OOSP4B: variants seen among roughly 807,000 people sequenced by gnomAD.
The protein encoded by OOSP4B is oocyte-secreted protein 4B.
At chr11:60,027,922 A>G (rs2134628751) in intron 3 of OOSP4B, among the ~76,000 whole-genome samples, 1 of 151,674 alleles carries the variant, frequency 6.6e-6, no homozygotes, top group East Asian at 2.0e-4. Context: ...CCTGGGTGAC[A>G]GAGTGAGATT....
chr11:60,018,795 C>A (rs1172329190), intron 1 of OOSP4B, among the ~76,000 whole-genome samples: 3 of 152,168 alleles, frequency 2.0e-5, no homozygotes, highest in African/African-American at 7.2e-5. Context: ...GTATGTGGGT[C>A]TTTCTCTATT....
At chr11:60,017,413 G>C (rs1174730232) in exon 1 of OOSP4B, 2 of 398,472 alleles carry the variant, frequency 5.0e-6, no homozygotes, top group Non-Finnish European at 8.8e-6. Context: ...TGTGCTCTTA[G>C]GTAGGTCCTT....
intron 1 of OOSP4B, among the ~76,000 whole-genome samples, chr11:60,023,117 T>C (rs1250886473): frequency 1.3e-5 from 2 of 152,210 alleles, no homozygotes; most frequent in East Asian, 3.8e-4. Flanking sequence ...AAAAGGTAGA[T>C]AATAATGACT....
At chr11:60,020,590 G>T in intron 1 of OOSP4B, among the ~76,000 whole-genome samples, 1 of 152,220 alleles carries the variant, frequency 6.6e-6, no homozygotes, top group Non-Finnish European at 1.5e-5. Context: ...GTTCCCGCCG[G>T]CGCCTCTCCC....
chr11:60,026,297 A>G (rs938049373), intron 3 of OOSP4B, among the ~76,000 whole-genome samples: 5 of 152,132 alleles, frequency 3.3e-5, no homozygotes, highest in African/African-American at 1.2e-4. Context: ...AATCCATCTG[A>G]ACTTAATTTT....
chr11:60,030,052 T>C (rs1404494442), intron 4 of OOSP4B, 123 bp downstream of exon 4: 4 of 393,542 alleles, frequency 1.0e-5, no homozygotes, highest in Middle Eastern at 1.3e-3. Context: ...GGTTTTAATA[T>C]GAACCCTGTA....
chr11:60,017,545 C>A, intron 1 of OOSP4B, 132 bp downstream of exon 1: 1 of 396,372 alleles, frequency 2.5e-6, no homozygotes, highest in Non-Finnish European at 4.4e-6. Flanking sequence ...GTGTAAAAAG[C>A]TGAGATTTTT....
intron 1 of OOSP4B, among the ~76,000 whole-genome samples, chr11:60,022,577 A>G (rs1041122364): frequency 6.6e-6 from 1 of 152,204 alleles, no homozygotes; most frequent in Non-Finnish European, 1.5e-5. Context: ...TTCTAAGCCA[A>G]ACATTTTACG....
chr11:60,019,308 G>A (rs1407203342), intron 1 of OOSP4B, among the ~76,000 whole-genome samples: 1 of 152,230 alleles, frequency 6.6e-6, no homozygotes, highest in African/African-American at 2.4e-5. Context: ...GAGCTCAGGA[G>A]TTCCAGACCA....
At chr11:60,030,778 C>G (rs963757989) in intron 4 of OOSP4B, 24 bp from the exon 5 acceptor site, 1 of 398,056 alleles carries the variant, frequency 2.5e-6, no homozygotes, top group Admixed American at 4.4e-5. Context: ...CAGCTCTTAA[C>G]TGCTTTTCCC....
chr11:60,019,322 T>A (rs1166664572), intron 1 of OOSP4B: 1 of 156,608 alleles, frequency 6.4e-6, no homozygotes. Flanking sequence ...CAGACCAGAC[T>A]GGGCAACGTG....
At chr11:60,020,500 C>T (rs1190408776) in intron 1 of OOSP4B, among the ~76,000 whole-genome samples, 3 of 152,206 alleles carry the variant, frequency 2.0e-5, no homozygotes, top group East Asian at 1.9e-4. Flanking sequence ...GGGGGCCAGC[C>T]GGCGGCTCCG....
chr11:60,028,686 C>T (rs563687617), intron 3 of OOSP4B, among the ~76,000 whole-genome samples: 1 of 152,272 alleles, frequency 6.6e-6, no homozygotes, highest in Admixed American at 6.5e-5. Flanking sequence ...GTTTTAAAAT[C>T]TATTCTCTTC....
At chr11:60,031,072 C>T (rs1854803795) in exon 5 of OOSP4B, 4 of 360,330 alleles carry the variant, frequency 1.1e-5, no homozygotes, top group Non-Finnish European at 1.5e-5. Context: ...CAAGCTCATA[C>T]ATAATAAAGC....
intron 3 of OOSP4B, among the ~76,000 whole-genome samples, chr11:60,026,096 G>T (rs1472337319): frequency 6.6e-6 from 1 of 151,944 alleles, no homozygotes; most frequent in African/African-American, 2.4e-5. Flanking sequence ...GATGTATTTC[G>T]CCCCAGTCCC....
chr11:60,031,091 A>G (rs975120192), downstream of OOSP4B: 9 of 339,824 alleles, frequency 2.6e-5, 1 homozygote, highest in South Asian at 1.1e-3. Flanking sequence ...GCTTGCCCAT[A>G]CCCAGTGTGT....
intron 3 of OOSP4B, among the ~76,000 whole-genome samples, chr11:60,026,251 T>C (rs76687257): frequency 1.6e-4 from 24 of 152,322 alleles, no homozygotes; most frequent in Non-Finnish European, 2.8e-4. Context: ...TATTTTCTTC[T>C]AGAAGTTTTA....
chr11:60,029,874 C>T, exon 4 of OOSP4B: 2 of 398,448 alleles, frequency 5.0e-6, no homozygotes, highest in Non-Finnish European at 8.9e-6. Context: ...GGACAAGAGT[C>T]ACCAACTCCC....
chr11:60,021,956 C>G (rs1854694353), intron 1 of OOSP4B: 1 of 145,424 alleles, frequency 6.9e-6, no homozygotes, highest in Admixed American at 7.0e-5. Flanking sequence ...TGCACTCCAG[C>G]CTGGGTGACA....
Sources: gnomAD v4.1 joint callset for allele counts (sites outside exome capture counted in the v4.1 genomes callset) on GRCh38, gnomAD v4.1.1 for gene constraint, MANE v1.5 for transcripts, NCBI Gene and HGNC (gene_info 2026-07-23, HGNC 2026-07-21) for gene names.